Variants in COL23A1 observed in about 807,000 individuals in gnomAD.
COL23A1 encodes collagen type XXIII alpha 1 chain.
In COL23A1, 97 loss-of-function variants were observed where a neutral mutation model predicts 99.3. That is an observed-to-expected ratio of 0.98 (90% confidence interval 0.83 to 1.16). COL23A1 has a LOEUF of 1.16. Ranked by LOEUF, COL23A1 falls within the 50% of genes most tolerant of loss-of-function variation. COL23A1 has a pLI of 0.00. For synonymous variants in COL23A1, 320 were observed against 308.2 expected, an observed-to-expected ratio of 1.04 and a Z score of -0.40; for missense variants, 762 against 757.4, an observed-to-expected ratio of 1.01 and a Z score of -0.07.
intron 2 of COL23A1, among the ~76,000 whole-genome samples, chr5:178,443,677 C>G (rs1378028360): frequency 6.6e-6 from 1 of 151,048 alleles, no homozygotes; most frequent in Non-Finnish European, 1.5e-5. Context: ...AGACTGGTTT[C>G]AAACTCCTGA....
rs191686195 is a variant in COL23A1 at position 178,283,845 on chromosome 5, T to G, written c.441+4479A>C. Among the ~76,000 whole-genome samples, 444 of 152,276 alleles carry G rather than the reference T, an allele frequency of 2.9e-3. 6 individuals carry two copies. The highest frequency in any genetic ancestry group is 0.01 in the African/African-American group (427 of 41,540). Reference sequence around the variant, plus strand: ...AAGCGCTCATGATAAACAAGATACCTCCGGGAAGATGACATTGAGCTTCTA... The same window carrying G: ...AAGCGCTCATGATAAACAAGATACCGCCGGGAAGATGACATTGAGCTTCTA... On this transcript the variant is annotated intron_variant, in intron 5 of 28. Coordinates refer to ENST00000390654, the MANE Select transcript of COL23A1 (RefSeq NM_173465.4).
rs998341306 is a variant in COL23A1 at position 178,307,155 on chromosome 5, A to ACG, written c.362-238_362-237dup. Among the ~76,000 whole-genome samples the ACG allele has an allele frequency of 1.3e-5, 2 of 151,970 alleles. No homozygotes were observed. The highest frequency in any genetic ancestry group is 4.8e-5 in the African/African-American group (2 of 41,368). On this transcript the variant is annotated intron_variant, in intron 2 of 28. Transcript: ENST00000390654. This position sits in a 1 kb window ranked among gnomAD's most constrained non-coding sequence, Gnocchi z 4.2. ...CAGGTGGCCGCATCCCTCATGCCCC[A>ACG]CGCACCCATTCTGTCATTCAATCAT...
chr5:178,407,673 A>G (rs1764836187), intron 2 of COL23A1, among the ~76,000 whole-genome samples: 1 of 152,250 alleles, frequency 6.6e-6, no homozygotes, highest in African/African-American at 2.4e-5. Context: ...GAAGTGAAAA[A>G]CACAAGAAAT....
chr5:178,278,975 A>G (rs1756744021), intron 5 of COL23A1, among the ~76,000 whole-genome samples: 1 of 152,100 alleles, frequency 6.6e-6, no homozygotes. Context: ...CCCTATCTAG[A>G]TGTCACTGGC....
chr5:178,410,078 GACAA>G (rs1374649314), intron 2 of COL23A1, among the ~76,000 whole-genome samples: 1 of 152,076 alleles, frequency 6.6e-6, no homozygotes, highest in Non-Finnish European at 1.5e-5. Context: ...ATCAAATTGA[GACAA>G]ACAGTTTTAC....
chr5:178,438,512 T>G (rs1766686170), intron 2 of COL23A1, among the ~76,000 whole-genome samples: 1 of 152,172 alleles, frequency 6.6e-6, no homozygotes, highest in Non-Finnish European at 1.5e-5. Context: ...TATCATATGC[T>G]ATGGAGACCA....
At position 178,239,253 on chromosome 5, in the gene COL23A1, G is replaced by A. The variant is rs373085209; in HGVS notation, c.1582-74C>T. ...CTCTACACCCCACATGCCCTCCCCT[G>A]GTCTGTAGGGAGGTGCAGGCCAGGG... On this transcript the variant is annotated intron_variant, in intron 27 of 28. Transcript: ENST00000390654. 1,309 of 1,542,164 alleles carry A rather than the reference G, an allele frequency of 8.5e-4. 8 individuals are homozygous for A. In the African/African-American group the frequency reaches 0.016, roughly 19 times the overall value.
In COL23A1 at chr5:178,590,076, A is replaced by G; in HGVS notation, c.122T>C (p.Leu41Pro). 1.5e-6 allele frequency: 2 copies of G among 1,318,188 alleles called. No homozygotes were observed. Among genetic ancestry groups the G allele is most frequent in the South Asian group, 2.0e-5 (1 of 51,174 alleles). 81.7% of individuals were successfully genotyped at this position (1,318,188 alleles called of 1,614,324 possible). ...AGSRAVSALCLLLSVGSAAAC... is the reference protein window; with the variant it reads ...AGSRAVSALCPLLSVGSAAAC... ...AGCCGCCGAGCCCACGGAGAGCAGC[A>G]GGCACAGCGCGCTCACCGCCCGGGA... The change falls in exon 1 of 29, where the codon CTG (leucine) becomes CCG (proline). Residue 41 changes from leucine to proline, a missense_variant. Coordinates refer to ENST00000390654, the MANE Select transcript of COL23A1 (RefSeq NM_173465.4). This position sits in a 1 kb window ranked among gnomAD's most constrained non-coding sequence, Gnocchi z 5.7.
intron 3 of COL23A1, among the ~76,000 whole-genome samples, 198 bp from the exon 4 acceptor site, chr5:178,290,567 G>A (rs1199328428): frequency 6.6e-6 from 1 of 152,212 alleles, no homozygotes; most frequent in Non-Finnish European, 1.5e-5. Context: ...GCCCTTGGAG[G>A]GGCCGGGATG....
intron 3 of COL23A1, among the ~76,000 whole-genome samples, chr5:178,294,818 G>T (rs528315272): frequency 6.6e-6 from 1 of 152,282 alleles, no homozygotes; most frequent in African/African-American, 2.4e-5. Context: ...AAAAATGTCT[G>T]CAAGGCAAAA....
intron 2 of COL23A1, among the ~76,000 whole-genome samples, chr5:178,539,101 G>A (rs1219571038): frequency 3.3e-5 from 5 of 152,192 alleles, no homozygotes; most frequent in African/African-American, 1.2e-4. Flanking sequence ...CGGCTAAGGG[G>A]ACAGGGTTTC....
At chr5:178,290,213 T>G (rs546819605) in intron 4 of COL23A1, 149 bp downstream of exon 4, 12 of 1,061,094 alleles carry the variant, frequency 1.1e-5, no homozygotes, top group Non-Finnish European at 1.5e-6. Context: ...ATTCCAGGCG[T>G]GAGCCACCGC....
At chr5:178,472,073 C>G (rs767640432) in intron 2 of COL23A1, among the ~76,000 whole-genome samples, 29 of 152,210 alleles carry the variant, frequency 1.9e-4, no homozygotes, top group Non-Finnish European at 3.1e-4. Context: ...GGGAGGATGG[C>G]TTGACCTGGG....
chr5:178,424,723 G>A (rs17081213), intron 2 of COL23A1, among the ~76,000 whole-genome samples: 2 of 152,284 alleles, frequency 1.3e-5, no homozygotes, highest in Admixed American at 1.3e-4. Flanking sequence ...GGGTCTGACA[G>A]CACTAGCTGG....
At chr5:178,299,188 C>T (rs2973790) in intron 3 of COL23A1, among the ~76,000 whole-genome samples, 100,833 of 152,102 alleles carry the variant, frequency 0.66, 34,109 homozygotes, top group Non-Finnish European at 0.71. Context: ...GAAGTGTTCT[C>T]GCCATTTCTA....
chr5:178,358,531 A>AGT (rs200281074), intron 2 of COL23A1, among the ~76,000 whole-genome samples: 40,710 of 134,974 alleles, frequency 0.3, 6,429 homozygotes, highest in African/African-American at 0.46. Context: ...ATGTATGTCT[A>AGT]GTGTGTGTAT....
intron 2 of COL23A1, among the ~76,000 whole-genome samples, chr5:178,483,741 G>A (rs779067097): frequency 6.6e-5 from 10 of 152,140 alleles, no homozygotes; most frequent in Non-Finnish European, 1.2e-4. Flanking sequence ...ATTAGGTTAC[G>A]GGGCCCATCT....
At chr5:178,327,011 C>G (rs1431478892) in intron 2 of COL23A1, among the ~76,000 whole-genome samples, 1 of 152,234 alleles carries the variant, frequency 6.6e-6, no homozygotes, top group South Asian at 2.1e-4. Flanking sequence ...AGCCACTGCA[C>G]CGGGCCAAAA....
intron 2 of COL23A1, among the ~76,000 whole-genome samples, chr5:178,400,052 T>C (rs1167426762): frequency 1.3e-5 from 2 of 152,118 alleles, no homozygotes; most frequent in Non-Finnish European, 2.9e-5. Context: ...ACCTCTATCT[T>C]TTAAATTTTT....
Sources: gnomAD v4.1 joint callset for allele counts (sites outside exome capture counted in the v4.1 genomes callset) on GRCh38, gnomAD v4.1.1 for gene constraint, Gnocchi (gnomAD v3.1) non-coding constraint, MANE v1.5 for transcripts, NCBI Gene and HGNC (gene_info 2026-07-23, HGNC 2026-07-21) for gene names.